Variants in CLEC1A observed in about 807,000 individuals in gnomAD.
CLEC1A encodes the protein C-type lectin-like receptor-1.
Under a neutral mutation model 28.7 loss-of-function variants are expected in CLEC1A, and 34 were observed. The observed-to-expected ratio is 1.18, with a 90% CI of 0.90 to 1.57. The LOEUF is 1.57. Among genes scored for constraint, CLEC1A ranks in the 40% most tolerant of loss-of-function variants. The probability of loss-of-function intolerance (pLI) is 0.00; values close to 1 mark genes in which losing one functional copy is unlikely to be tolerated. For synonymous variants in CLEC1A, 116 were observed against 121.0 expected, an observed-to-expected ratio of 0.96 and a Z score of 0.27; for missense variants, 385 against 339.5, an observed-to-expected ratio of 1.13 and a Z score of -1.05.
intron 1 of CLEC1A, among the ~76,000 whole-genome samples, chr12:10,096,070 C>T (rs999005725): frequency 1.6e-4 from 25 of 152,084 alleles, no homozygotes; most frequent in Non-Finnish European, 2.9e-4. Context: ...GACTTAGGTA[C>T]CTCATTTACT....
chr12:10,073,517 T>TGCTTC (rs1866186427), intron 4 of CLEC1A, 106 bp from the exon 5 acceptor site: 2 of 742,636 alleles, frequency 2.7e-6, no homozygotes, highest in Non-Finnish European at 2.3e-6. Context: ...ACACAAGTCC[T>TGCTTC]GCTTCACATT....
chr12:10,082,042 T>C (rs2137347076), intron 2 of CLEC1A, among the ~76,000 whole-genome samples: 1 of 152,318 alleles, frequency 6.6e-6, no homozygotes, highest in East Asian at 1.9e-4. Context: ...CCTGACTTTG[T>C]CTCACAGGGG....
intron 2 of CLEC1A, 61 bp from the exon 3 acceptor site, chr12:10,081,474 G>T: frequency 7.3e-7 from 1 of 1,361,504 alleles, no homozygotes; most frequent in Non-Finnish European, 1.0e-6. Flanking sequence ...TCCATTTTCT[G>T]CTTATGGGGA....
Position 10,071,525 on chromosome 12 carries a change from A to C in CLEC1A, c.663-12T>G, listed in dbSNP as rs1866134173. 2.6e-6 allele frequency: 4 copies of C among 1,562,848 alleles called. No individual in the cohort carries two copies. Among genetic ancestry groups the C allele is most frequent in the Non-Finnish European group, 3.5e-6 (4 of 1,154,290 alleles). On this transcript the variant is annotated splice_polypyrimidine_tract_variant and intron_variant, in intron 5 of 5. Transcript: ENST00000315330. ...TTATAATATGGAACCTTAAGAAAGG[A>C]AGAAAAAGTAAATTCAATCACGGTT...
intron 1 of CLEC1A, among the ~76,000 whole-genome samples, chr12:10,096,603 A>G (rs1947779728): frequency 6.6e-6 from 1 of 151,812 alleles, no homozygotes; most frequent in Admixed American, 6.6e-5. Flanking sequence ...AATAGAATTA[A>G]ACTAGATCAG....
rs1268832039 is a variant in CLEC1A, at chr12:10,077,185, A to T, written c.392-1530T>A. On this transcript the variant is annotated intron_variant, in intron 3 of 5. Coordinates refer to ENST00000315330, the MANE Select transcript of CLEC1A (RefSeq NM_016511.4). ...AAATAGGTAGTGATACTATGTAACT[A>T]AAGAGACAGAGATAGAGAAACTTCT... 2.0e-5 allele frequency among the ~76,000 whole-genome samples: 3 copies of T among 152,300 alleles called. No individual in the cohort carries two copies. The East Asian group carries it at 5.8e-4, about 29-fold the overall frequency.
At chr12:10,089,911 A>G (rs1866577663) in intron 1 of CLEC1A, among the ~76,000 whole-genome samples, 1 of 152,224 alleles carries the variant, frequency 6.6e-6, no homozygotes. Flanking sequence ...AATAATTTTT[A>G]AAACTGTGGC....
chr12:10,080,565 C>T (rs1472349422), intron 3 of CLEC1A, among the ~76,000 whole-genome samples: 1 of 152,120 alleles, frequency 6.6e-6, no homozygotes, highest in Non-Finnish European at 1.5e-5. Context: ...AACATGTATG[C>T]CATTTCCTAA....
At chr12:10,093,297 T>C (rs2137371090) in intron 1 of CLEC1A, among the ~76,000 whole-genome samples, 1 of 149,470 alleles carries the variant, frequency 6.7e-6, no homozygotes, top group Non-Finnish European at 1.5e-5. Context: ...TGCTGTCTCC[T>C]GAGGCATGTT....
chr12:10,077,836 G>A (rs1866286018), intron 3 of CLEC1A, among the ~76,000 whole-genome samples: 1 of 152,004 alleles, frequency 6.6e-6, no homozygotes, highest in South Asian at 2.1e-4. Flanking sequence ...ATGTAAGTCT[G>A]TGTATGTGTC....
At chr12:10,083,630 GTCTC>G (rs989961386) in intron 2 of CLEC1A, among the ~76,000 whole-genome samples, 31 of 152,152 alleles carry the variant, frequency 2.0e-4, no homozygotes, top group African/African-American at 6.5e-4. Flanking sequence ...CCACCACCAT[GTCTC>G]TCTAATTTTT....
intron 4 of CLEC1A, 57 bp from the exon 5 acceptor site, chr12:10,073,468 C>T: frequency 7.5e-7 from 1 of 1,324,938 alleles, no homozygotes; most frequent in East Asian, 2.3e-5. Context: ...CTCACATGTA[C>T]AGACATGCAT....
chr12:10,091,438 T>C (rs112613333), intron 1 of CLEC1A, among the ~76,000 whole-genome samples: 139 of 152,138 alleles, frequency 9.1e-4, no homozygotes, highest in African/African-American at 3.0e-3. Flanking sequence ...GCAACATCTA[T>C]GTCAGCAGAA....
chr12:10,080,849 A>G (rs12296788), intron 3 of CLEC1A, among the ~76,000 whole-genome samples: 4,032 of 152,282 alleles, frequency 0.026, 168 homozygotes, highest in African/African-American at 0.091. Context: ...GCATTTTCAG[A>G]CTAGTCCCTG....
chr12:10,087,149 G>A (rs1428666692), intron 2 of CLEC1A, among the ~76,000 whole-genome samples: 5 of 136,208 alleles, frequency 3.7e-5, no homozygotes, highest in Admixed American at 3.2e-4. Flanking sequence ...AGGTTGCAGT[G>A]AGCCGAGATC....
At chr12:10,082,808 C>G (rs181973090) in intron 2 of CLEC1A, among the ~76,000 whole-genome samples, 12 of 152,338 alleles carry the variant, frequency 7.9e-5, no homozygotes, top group Non-Finnish European at 1.5e-5. Context: ...AAGACAACAG[C>G]TAATTCCACT....
intron 4 of CLEC1A, among the ~76,000 whole-genome samples, chr12:10,074,441 A>G (rs940696804): frequency 6.6e-6 from 1 of 152,214 alleles, no homozygotes; most frequent in African/African-American, 2.4e-5. Context: ...AAAGCAAATC[A>G]TATGAAAAAG....
chr12:10,090,489 TCCTGAGCTCAAGTGATCCTCTAAC>T (rs966306870), intron 1 of CLEC1A, among the ~76,000 whole-genome samples: 3 of 152,086 alleles, frequency 2.0e-5, no homozygotes, highest in Non-Finnish European at 4.4e-5. Flanking sequence ...GTTCTCTAAC[TCCTGAGCTCAAGTGATCCTCTAAC>T]CCCGCCTCCC....
At chr12:10,083,119 C>A (rs989075046) in intron 2 of CLEC1A, among the ~76,000 whole-genome samples, 1 of 152,188 alleles carries the variant, frequency 6.6e-6, no homozygotes, top group Non-Finnish European at 1.5e-5. Flanking sequence ...ATAACAATCA[C>A]TGCAGTCTGG....
Sources: gnomAD v4.1 joint callset for allele counts (sites outside exome capture counted in the v4.1 genomes callset) on GRCh38, gnomAD v4.1.1 for gene constraint, MANE v1.5 for transcripts, NCBI Gene and HGNC (gene_info 2026-07-23, HGNC 2026-07-21) for gene names.